The following PPP1R9B variants were observed in gnomAD, a reference collection of about 807,000 sequenced individuals.
PPP1R9B encodes protein phosphatase 1 regulatory subunit 9B.
In PPP1R9B, 17 loss-of-function variants were observed where a neutral mutation model predicts 75.8. The ratio of observed to expected loss-of-function variants is 0.22; its 90% CI spans 0.15 to 0.34. The LOEUF is 0.34. PPP1R9B is among the 10% of genes least tolerant of loss of function. The pLI is 1.00. For synonymous variants in PPP1R9B, 509 were observed against 535.4 expected (o/e 0.95, Z 0.68); for missense variants, 875 against 1,196.0 (o/e 0.73, Z 3.96).
In PPP1R9B at chr17:50,133,959, TC is replaced by T. The variant is rs1362125544; in HGVS notation, c.*1371del. 2 of 152,524 alleles carry T rather than the reference TC, an allele frequency of 1.3e-5. No individual in the cohort carries two copies. Among genetic ancestry groups the T allele is most frequent in the African/African-American group, 2.4e-5 (1 of 41,422 alleles). 9.4% of individuals were successfully genotyped at this position (152,524 alleles called of 1,614,324 possible). A position where few individuals can be genotyped will look rare whatever the true frequency, so the allele number is the denominator to read the frequency against. ...CGAGCCCAGGACTGAGACAGCCAGCTCCTTCAGGGGATGGGGGCACATCTGG... is the reference window on the plus strand; with the variant it reads ...CGAGCCCAGGACTGAGACAGCCAGCTCTTCAGGGGATGGGGGCACATCTGG... On this transcript the variant is annotated 3_prime_UTR_variant, in exon 10 of 10. Coordinates refer to ENST00000612501, the MANE Select transcript of PPP1R9B (RefSeq NM_032595.5).
intron 1 of PPP1R9B, among the ~76,000 whole-genome samples, chr17:50,146,825 T>C (rs879354305): frequency 6.6e-6 from 1 of 152,230 alleles, no homozygotes; most frequent in Non-Finnish European, 1.5e-5. Flanking sequence ...TGCACCCAGC[T>C]GGGACAGGTG....
chr17:50,139,155 T>C lies in PPP1R9B; in HGVS notation c.2073+108A>G. Reference sequence around the variant, plus strand: ...TCTTGCTTTAGAGCAGCTTGTTCTGTGGGTACCTGTGCCTAAGTGTCAGCA... The same window carrying C: ...TCTTGCTTTAGAGCAGCTTGTTCTGCGGGTACCTGTGCCTAAGTGTCAGCA... On this transcript the variant is annotated intron_variant, in intron 7 of 9. Coordinates refer to ENST00000612501, the MANE Select transcript of PPP1R9B (RefSeq NM_032595.5). This position sits in a 1 kb window ranked among gnomAD's most constrained non-coding sequence, Gnocchi z 5.0. 8.1e-7 allele frequency: 1 copy of C among 1,236,830 alleles called. No individual in the cohort carries two copies. The allele number at this position is 1,236,830 out of a possible 1,614,324, so 76.6% of individuals were successfully genotyped here. A position where few individuals can be genotyped will look rare whatever the true frequency, so the allele number is the denominator to read the frequency against.
chr17:50,140,067 C>T (rs552193845), intron 5 of PPP1R9B, 26 bp downstream of exon 5: 40 of 1,609,856 alleles, frequency 2.5e-5, no homozygotes, highest in African/African-American at 9.4e-5. Flanking sequence ...GGCGACCACG[C>T]GGCCAGCCAG....
In PPP1R9B at chr17:50,149,873, A is replaced by G; in HGVS notation, c.641T>C (p.Val214Ala). The G allele has an allele frequency of 6.7e-7, 1 of 1,494,308 alleles. No individual in the cohort carries two copies. The highest frequency in any genetic ancestry group is 2.8e-5 in the East Asian group (1 of 35,480). 92.6% of individuals were successfully genotyped at this position (1,494,308 alleles called of 1,614,324 possible). Residue 214 changes from valine (V) to alanine (A), a missense_variant, in exon 1 of 10, where the codon GTC (valine) becomes GCC (alanine). This residue lies in a region of PPP1R9B where 449 missense variants were observed against 475.0 expected (regional missense o/e 0.95). Transcript: ENST00000612501. This position sits in a 1 kb window ranked among gnomAD's most constrained non-coding sequence, Gnocchi z 7.2. ...GGTCCTCGAGTCGGCCTTCTCGAAG[A>G]CGGCGCTGAGCTGGCTGACCGTGGG... The part of the protein sequence containing the change: ...VSPTVSQLSA[V>A]FEKADSRTGL...
In PPP1R9B at chr17:50,134,136, T is replaced by C. The variant is rs186378104; in HGVS notation, c.*1195A>G. The C allele has an allele frequency of 1.4e-4, 21 of 152,204 alleles. No individual in the cohort carries two copies. Among genetic ancestry groups the C allele is most frequent in the African/African-American group, 4.8e-4 (20 of 41,382 alleles). The allele number at this position is 152,204 out of a possible 1,614,324, so 9.4% of individuals were successfully genotyped here. On this transcript the variant is annotated 3_prime_UTR_variant, in exon 10 of 10. Transcript: ENST00000612501. Reference sequence around the variant, plus strand: ...AGGGGCATGAAGTGGCAAAATGAGATGGATTTTGAAAGGGGAGGGGACCTG... The same window carrying C: ...AGGGGCATGAAGTGGCAAAATGAGACGGATTTTGAAAGGGGAGGGGACCTG...
intron 9 of PPP1R9B, 70 bp from the exon 10 acceptor site, chr17:50,135,454 G>C (rs751140135): frequency 6.3e-7 from 1 of 1,577,102 alleles, no homozygotes; most frequent in South Asian, 1.1e-5. Context: ...TCCGCCCCCC[G>C]GTGAGGACAT....
In PPP1R9B at chr17:50,149,563, C is replaced by G; in HGVS notation, c.951G>C (p.Glu317Asp). 2 of 1,585,450 alleles carry G rather than the reference C, an allele frequency of 1.3e-6. No individual in the cohort carries two copies. Among genetic ancestry groups the G allele is most frequent in the South Asian group, 2.3e-5 (2 of 87,126 alleles). Residue 317 changes from glutamate (E) to aspartate (D), a missense_variant, in exon 1 of 10, where the codon GAG (glutamate) becomes GAC (aspartate). Physicochemically the swap from Glu to Asp is conservative, Grantham distance 45. This residue lies in a region of PPP1R9B where 449 missense variants were observed against 475.0 expected (regional missense o/e 0.95). Coordinates refer to ENST00000612501, the MANE Select transcript of PPP1R9B (RefSeq NM_032595.5). The surrounding 1 kb of genome is among the most constrained non-coding windows in gnomAD (Gnocchi z 7.2). Reference sequence around the variant, plus strand: ...GGACCGTAACCTCGGCCTGGATCACCTCCCCGGGCGCCGACTCGGCCTCCG... The same window carrying G: ...GGACCGTAACCTCGGCCTGGATCACGTCCCCGGGCGCCGACTCGGCCTCCG... ...GESEAESAPG[E>D]VIQAEVTVHA...
rs1328684487 is a variant in PPP1R9B, at chr17:50,134,198, A to G, written c.*1133T>C. 1 of 152,636 alleles carries G rather than the reference A, an allele frequency of 6.6e-6. No individual in the cohort carries two copies. The highest frequency in any genetic ancestry group is 6.5e-5 in the Admixed American group (1 of 15,286). 9.5% of individuals were successfully genotyped at this position (152,636 alleles called of 1,614,324 possible). ...CTCACCTCCCTTGGTCCAAGCCCCA[A>G]TTTGGGGTTAAAGTGGGGAAACAGA... On this transcript the variant is annotated 3_prime_UTR_variant, in exon 10 of 10. Coordinates refer to ENST00000612501, the MANE Select transcript of PPP1R9B (RefSeq NM_032595.5).
chr17:50,146,358 G>A (rs1433796335), intron 1 of PPP1R9B, among the ~76,000 whole-genome samples: 3 of 152,132 alleles, frequency 2.0e-5, no homozygotes, highest in Non-Finnish European at 2.9e-5. Flanking sequence ...AGGCGGGGGC[G>A]GGGAGGGATG....
intron 7 of PPP1R9B, among the ~76,000 whole-genome samples, chr17:50,137,564 C>G (rs1443066020): frequency 1.3e-5 from 2 of 152,162 alleles, no homozygotes; most frequent in African/African-American, 4.8e-5. Context: ...TCTGCCTATA[C>G]TCTGAGCAGT....
chr17:50,146,321 A>G (rs915232859), intron 1 of PPP1R9B: 3 of 147,406 alleles, frequency 2.0e-5, no homozygotes, highest in African/African-American at 7.4e-5. Flanking sequence ...CATCGCCTGC[A>G]GTGACAGGTT....
intron 3 of PPP1R9B, among the ~76,000 whole-genome samples, chr17:50,143,295 A>AGG (rs1912433937): frequency 6.6e-6 from 1 of 152,064 alleles, no homozygotes; most frequent in East Asian, 1.9e-4. Flanking sequence ...TCTCCCTACC[A>AGG]GGGCCCAAAC....
At position 50,135,606 on chromosome 17, in the gene PPP1R9B, G is replaced by A. The variant is rs1301854510; in HGVS notation, c.2347C>T (p.Leu783=). ...LKKETAQRRV[L]EESELARKEE... is the part of the protein sequence containing the mutation. The stretch of plus-strand genomic sequence containing the variant: ...TTTCTGGCCAGCTCCGACTCCTCCA[G>A]AACCCGACGCTGTGCAGTCTCCTTT... Residue 783 remains leucine (L), a synonymous_variant, in exon 9 of 10, where the codon CTG becomes TTG. Transcript: ENST00000612501. 3 of 1,611,390 alleles carry A rather than the reference G, an allele frequency of 1.9e-6. No individual in the cohort carries two copies. Among genetic ancestry groups the A allele is most frequent in the Admixed American group, 1.7e-5 (1 of 59,574 alleles).
chr17:50,136,905 C>T (rs534106064), intron 7 of PPP1R9B, among the ~76,000 whole-genome samples: 1 of 152,224 alleles, frequency 6.6e-6, no homozygotes, highest in Admixed American at 6.5e-5. Context: ...ACCAGGCCCC[C>T]GCAGCTGCAC....
rs367543188 is a variant in PPP1R9B, at chr17:50,149,402, G to T, written c.1112C>A (p.Ala371Asp). 3.7e-6 allele frequency: 6 copies of T among 1,611,918 alleles called. No individual in the cohort carries two copies. The African/African-American group carries it at 6.7e-5, about 18-fold the overall frequency. The change falls in exon 1 of 10, where the codon GCC becomes GAC. Residue 371 changes from alanine to aspartate, a missense_variant. Physicochemically the swap from Ala to Asp is moderately radical, Grantham distance 126. Around this residue, in one of 4 missense-constraint regions of PPP1R9B, gnomAD observed 449 missense variants for 475.0 expected, o/e 0.95. Coordinates refer to ENST00000612501, the MANE Select transcript of PPP1R9B (RefSeq NM_032595.5). This position sits in a 1 kb window ranked among gnomAD's most constrained non-coding sequence, Gnocchi z 7.2. ...TACCTCCTCAGGGGCCACGTCCGGG[G>T]CCCGGCCATTGCCCACCCCCCTCTC... ...PPERGVGNGR[A>D]PDVAPEEVDE...
Position 50,135,073 on chromosome 17 carries a change from C to G in PPP1R9B, c.*258G>C. The G allele has an allele frequency of 1.8e-6, 1 of 556,160 alleles. No individual in the cohort carries two copies. Among genetic ancestry groups the G allele is most frequent in the Non-Finnish European group, 3.2e-6 (1 of 308,914 alleles). 34.5% of individuals were successfully genotyped at this position (556,160 alleles called of 1,614,324 possible). ...GACCACCAGGCCAGCCCTCGGCAGC[C>G]CTCGGCCTCTGTGCCTCAGCCCCAT... On this transcript the variant is annotated 3_prime_UTR_variant, in exon 10 of 10. Coordinates refer to ENST00000612501, the MANE Select transcript of PPP1R9B (RefSeq NM_032595.5).
At position 50,150,087 on chromosome 17, in the gene PPP1R9B, G is replaced by A; in HGVS notation, c.427C>T (p.Arg143Trp). ...AACAGCTTCCGCGTCTCCTGCAGCC[G>A]GGACGGCGGGTGCGGCGGCGGCGCA... ...QPAPPPHPPSRLQETRKLFER... is the reference protein window; with the variant it reads ...QPAPPPHPPSWLQETRKLFER... The change falls in exon 1 of 10, where the codon CGG becomes TGG. Residue 143 changes from arginine to tryptophan, a missense_variant. By Grantham distance (101) the Arg-to-Trp change is moderately radical. Coordinates refer to ENST00000612501, the MANE Select transcript of PPP1R9B (RefSeq NM_032595.5). The surrounding 1 kb of genome is among the most constrained non-coding windows in gnomAD (Gnocchi z 8.7). 7.1e-7 allele frequency: 1 copy of A among 1,408,396 alleles called. No individual in the cohort carries two copies. The highest frequency in any genetic ancestry group is 9.2e-7 in the Non-Finnish European group (1 of 1,087,178). The allele number at this position is 1,408,396 out of a possible 1,614,324, so 87.2% of individuals were successfully genotyped here.
Position 50,149,307 on chromosome 17 carries a change from C to T in PPP1R9B, c.1207G>A (p.Glu403Lys). 1 of 1,613,444 alleles carries T rather than the reference C, an allele frequency of 6.2e-7. No homozygotes were observed. Among genetic ancestry groups the T allele is most frequent in the Non-Finnish European group, 8.5e-7 (1 of 1,179,776 alleles). Residue 403 changes from glutamate (E) to lysine (K), a missense_variant, in exon 1 of 10, where the codon GAG becomes AAG. Glu to Lys is a moderately conservative substitution (Grantham distance 56, BLOSUM62 1). Coordinates refer to ENST00000612501, the MANE Select transcript of PPP1R9B (RefSeq NM_032595.5). This position sits in a 1 kb window ranked among gnomAD's most constrained non-coding sequence, Gnocchi z 7.2. ...TCCAGGGCACTGCCCGCAGAGTCCTCCCCGAGCCCACTGTAGGCGCTCACG... is the reference window on the plus strand; with the variant it reads ...TCCAGGGCACTGCCCGCAGAGTCCTTCCCGAGCCCACTGTAGGCGCTCACG... ...VDVSAYSGLG[E>K]DSAGSALEED...
In PPP1R9B at chr17:50,149,589, ACTCCCCGCTCTCCTCCAC is replaced by A; in HGVS notation, c.907_924del (p.Val303_Glu308del). 6.4e-7 allele frequency: 1 copy of A among 1,564,802 alleles called. No individual in the cohort carries two copies. Among genetic ancestry groups the A allele is most frequent in the Non-Finnish European group, 8.6e-7 (1 of 1,161,088 alleles). ...TCCCCGGGCGCCGACTCGGCCTCCG[ACTCCCCGCTCTCCTCCAC>A]CTCCACCGGCTTAATCTTGCGCACC... On this transcript the variant is annotated inframe_deletion, in exon 1 of 10. Transcript: ENST00000612501. This position sits in a 1 kb window ranked among gnomAD's most constrained non-coding sequence, Gnocchi z 7.2.
Sources: gnomAD v4.1 joint callset for allele counts (sites outside exome capture counted in the v4.1 genomes callset) on GRCh38, gnomAD v4.1.1 for gene constraint, gnomAD v4.1.1 regional missense constraint, Gnocchi (gnomAD v3.1) non-coding constraint, MANE v1.5 for transcripts, NCBI Gene and HGNC (gene_info 2026-07-23, HGNC 2026-07-21) for gene names.